Variants in DEGS1 observed in about 807,000 individuals in gnomAD.
DEGS1 encodes the protein sphingolipid delta(4)-desaturase DES1.
A neutral mutation model predicts 24.1 loss-of-function variants in DEGS1; 17 were observed. The observed-to-expected ratio is 0.70, with a 90% CI of 0.48 to 1.06. DEGS1 has a LOEUF of 1.06. Among genes scored for constraint, DEGS1 ranks in the 50% least tolerant of loss-of-function variants. DEGS1 has a pLI of 0.00. For missense variants in DEGS1, 366 were observed against 408.9 expected, an observed-to-expected ratio of 0.90 and a Z score of 0.91; for synonymous variants, 134 against 140.0, an observed-to-expected ratio of 0.96 and a Z score of 0.30.
chr1:224,187,046 T>C (rs1340051824), intron 1 of DEGS1, among the ~76,000 whole-genome samples: 2 of 152,160 alleles, frequency 1.3e-5, no homozygotes, highest in African/African-American at 2.4e-5. Context: ...GGGTGGCTCA[T>C]GGCTGTAATC....
At chr1:224,185,923 G>A (rs1285964410) in intron 1 of DEGS1, among the ~76,000 whole-genome samples, 1 of 152,176 alleles carries the variant, frequency 6.6e-6, no homozygotes, top group African/African-American at 2.4e-5. Context: ...CAGGACGGGT[G>A]TGGTGGCTTT....
rs540821342 is a variant in DEGS1, at chr1:224,192,604, G to A, written c.*126G>A. 5.0e-4 allele frequency: 427 copies of A among 849,458 alleles called. 8 individuals are homozygous for A. Among genetic ancestry groups the A allele is most frequent in the South Asian group, 3.9e-3 (236 of 60,536 alleles). The allele number at this position is 849,458 out of a possible 1,614,324, so 52.6% of individuals were successfully genotyped here. ...TGGCACAATTTCAGAGTAAGAGCTC[G>A]GTGATACCAAGAAGTGAATCTGGCT... On this transcript the variant is annotated 3_prime_UTR_variant, in exon 3 of 3. Coordinates refer to ENST00000323699, the MANE Select transcript of DEGS1 (RefSeq NM_003676.4).
intron 1 of DEGS1, 26 bp downstream of exon 1, chr1:224,183,444 T>G (rs1658286381): frequency 3.8e-6 from 5 of 1,330,412 alleles, no homozygotes; most frequent in Middle Eastern, 4.7e-4. Flanking sequence ...CGCCCCGTTA[T>G]GTGCGTGCGT....
chr1:224,186,712 CAAAA>C (rs34809195), intron 1 of DEGS1, among the ~76,000 whole-genome samples: 1 of 79,874 alleles, frequency 1.3e-5, no homozygotes, highest in Non-Finnish European at 2.4e-5. Flanking sequence ...GCCTCCGTCT[CAAAA>C]AAAAAAAAAA....
At chr1:224,192,257 C>A in intron 2 of DEGS1, 75 bp from the exon 3 acceptor site, 3 of 1,310,080 alleles carry the variant, frequency 2.3e-6, no homozygotes, top group Non-Finnish European at 3.1e-6. Flanking sequence ...GTGTTTGTGT[C>A]AACCATTCAT....
rs921912846 is a variant in DEGS1, at chr1:224,183,610, G to C, written c.82+192G>C. The C allele has an allele frequency of 3.2e-5, 12 of 374,726 alleles. No homozygotes were observed. The South Asian group carries it at 1.1e-3, about 34-fold the overall frequency. 23.2% of individuals were successfully genotyped at this position (374,726 alleles called of 1,614,324 possible). A position where few individuals can be genotyped will look rare whatever the true frequency, so the allele number is the denominator to read the frequency against. ...GGAGAGGCTGGGCGAGGAGCGGGGG[G>C]AGGGACGGGTCCTCGGAGCCGCGCA... On this transcript the variant is annotated intron_variant, in intron 1 of 2. Coordinates refer to ENST00000323699, the MANE Select transcript of DEGS1 (RefSeq NM_003676.4).
chr1:224,183,631 G>T (rs896922641), intron 1 of DEGS1: 4 of 344,674 alleles, frequency 1.2e-5, no homozygotes, highest in Non-Finnish European at 2.1e-5. Flanking sequence ...CCTCGGAGCC[G>T]CGCAGCTCCG....
chr1:224,183,258 C>A lies in DEGS1; in HGVS notation c.-79C>A. The A allele has an allele frequency of 1.7e-6, 2 of 1,171,784 alleles. No individual in the cohort carries two copies. The highest frequency in any genetic ancestry group is 2.3e-6 in the Non-Finnish European group (2 of 871,318). The allele number at this position is 1,171,784 out of a possible 1,614,324, so 72.6% of individuals were successfully genotyped here. A position where few individuals can be genotyped will look rare whatever the true frequency, so the allele number is the denominator to read the frequency against. Reference sequence around the variant, plus strand: ...GGCCGACACCACACCAGCCGGGGAGCCGCCGCCGCCGCCGCCACCTCTGAG... The same window carrying A: ...GGCCGACACCACACCAGCCGGGGAGACGCCGCCGCCGCCGCCACCTCTGAG... On this transcript the variant is annotated 5_prime_UTR_variant, in exon 1 of 3. Coordinates refer to ENST00000323699, the MANE Select transcript of DEGS1 (RefSeq NM_003676.4).
At chr1:224,184,556 T>G (rs997386755) in intron 1 of DEGS1, among the ~76,000 whole-genome samples, 18 of 152,016 alleles carry the variant, frequency 1.2e-4, no homozygotes, top group African/African-American at 4.4e-4. Context: ...CTGTTGCTCA[T>G]GCTGGAGTGC....
chr1:224,186,915 G>T (rs1289084671), intron 1 of DEGS1, among the ~76,000 whole-genome samples: 2 of 152,028 alleles, frequency 1.3e-5, no homozygotes, highest in Non-Finnish European at 2.9e-5. Flanking sequence ...CTTTTTGGCG[G>T]GGGAGGGAAG....
At position 224,189,942 on chromosome 1, in the gene DEGS1, G is replaced by T. The variant is rs1157850062; in HGVS notation, c.448G>T (p.Gly150Cys). The change falls in exon 2 of 3, where the codon GGC (glycine) becomes TGC (cysteine). Residue 150 changes from glycine to cysteine, a missense_variant. Coordinates refer to ENST00000323699, the MANE Select transcript of DEGS1 (RefSeq NM_003676.4). ...TGTAGATATTCCTACCGATTTTGAG[G>T]GCTGGTTCTTCTGTACCGCTTTCAG... ...VDVDIPTDFE[G>C]WFFCTAFRKF... The T allele has an allele frequency of 6.8e-6, 11 of 1,613,996 alleles. No individual in the cohort carries two copies. Among genetic ancestry groups the T allele is most frequent in the Non-Finnish European group, 9.3e-6 (11 of 1,180,032 alleles).
rs1298244761 is a variant in DEGS1, at chr1:224,190,426, C to T, written c.825+107C>T. ...AGGCTGGCGGGCAGTGGCACGATCT[C>T]GGCTCACTGTAACCTCCACCTCCCG... On this transcript the variant is annotated intron_variant, in intron 2 of 2. Transcript: ENST00000323699. 5.0e-6 allele frequency: 5 copies of T among 999,984 alleles called. No homozygotes were observed. In the East Asian group the frequency reaches 1.2e-4, roughly 23 times the overall value. The allele number at this position is 999,984 out of a possible 1,614,324, so 61.9% of individuals were successfully genotyped here.
intron 1 of DEGS1, among the ~76,000 whole-genome samples, chr1:224,186,435 C>T (rs746652180): frequency 2.6e-5 from 4 of 152,164 alleles, no homozygotes; most frequent in Non-Finnish European, 4.4e-5. Context: ...ATTTCTTGGC[C>T]GGGCATGGTG....
intron 1 of DEGS1, among the ~76,000 whole-genome samples, chr1:224,188,228 A>G (rs1259172136): frequency 2.0e-5 from 3 of 152,226 alleles, no homozygotes; most frequent in Non-Finnish European, 4.4e-5. Flanking sequence ...ACTGTACTTC[A>G]GCCTGAGTGA....
chr1:224,188,002 C>G (rs996932043), intron 1 of DEGS1, among the ~76,000 whole-genome samples: 1 of 151,394 alleles, frequency 6.6e-6, no homozygotes, highest in Non-Finnish European at 1.5e-5. Context: ...GTTATGTTGC[C>G]CAGGCTGATC....
chr1:224,189,554 G>T, intron 1 of DEGS1, 23 bp from the exon 2 acceptor site: 1 of 1,531,174 alleles, frequency 6.5e-7, no homozygotes, highest in Non-Finnish European at 8.8e-7. Context: ...CTTAGTTCCT[G>T]TTTTTTTGTT....
Position 224,189,878 on chromosome 1 carries a change from C to T in DEGS1, c.384C>T (p.His128=), listed in dbSNP as rs1658489445. 4 of 1,614,184 alleles carry T rather than the reference C, an allele frequency of 2.5e-6. No homozygotes were observed. The highest frequency in any genetic ancestry group is 3.4e-6 in the Non-Finnish European group (4 of 1,180,032). The change falls in exon 2 of 3, where the codon CAC becomes CAT. Residue 128 remains histidine, a synonymous_variant. Coordinates refer to ENST00000323699, the MANE Select transcript of DEGS1 (RefSeq NM_003676.4). The part of the protein sequence containing the change: ...IPYSISFKRY[H]MDHHRYLGAD... ...ATTCAATTTCCTTTAAGAGGTATCA[C>T]ATGGATCATCATCGGTACCTTGGAG...
At chr1:224,186,423 A>AT (rs1314292291) in intron 1 of DEGS1, among the ~76,000 whole-genome samples, 1 of 152,164 alleles carries the variant, frequency 6.6e-6, no homozygotes, top group African/African-American at 2.4e-5. Context: ...AAAGGACCAC[A>AT]TATTTCTTGG....
At chr1:224,192,208 G>A (rs898885154) in intron 2 of DEGS1, 124 bp from the exon 3 acceptor site, 2 of 638,110 alleles carry the variant, frequency 3.1e-6, no homozygotes, top group African/African-American at 2.0e-5. Flanking sequence ...TTTTTTTTAA[G>A]AGAGAGGAGG....
Sources: gnomAD v4.1 joint callset for allele counts (sites outside exome capture counted in the v4.1 genomes callset) on GRCh38, gnomAD v4.1.1 for gene constraint, MANE v1.5 for transcripts, NCBI Gene and HGNC (gene_info 2026-07-23, HGNC 2026-07-21) for gene names.